The following SNX29 variants were observed in gnomAD, a reference collection of about 807,000 sequenced individuals.
SNX29 encodes the protein sorting nexin-29.
In SNX29, 78 loss-of-function variants were observed where a neutral mutation model predicts 102.1. That is an observed-to-expected ratio of 0.76 (90% CI 0.64 to 0.92). SNX29 has a LOEUF of 0.92. Ranked by LOEUF, SNX29 falls within the 40% of genes least tolerant of loss-of-function variation. SNX29 has a pLI of 0.00. For synonymous variants in SNX29, 580 were observed against 414.5 expected, an observed-to-expected ratio of 1.40 and a Z score of -4.85; for missense variants, 1,280 against 1,061.7, an observed-to-expected ratio of 1.21 and a Z score of -2.86.
At chr16:12,148,890 C>G (rs1335782420) in intron 13 of SNX29, among the ~76,000 whole-genome samples, 1 of 151,880 alleles carries the variant, frequency 6.6e-6, no homozygotes, top group Non-Finnish European at 1.5e-5. Flanking sequence ...TTAGTAGAGA[C>G]AGGGTTTCTC....
intron 1 of SNX29, among the ~76,000 whole-genome samples, chr16:11,998,055 GTTGTTA>G (rs2056153322): frequency 6.6e-6 from 1 of 152,188 alleles, no homozygotes; most frequent in Non-Finnish European, 1.5e-5. Context: ...CACGGTGGTG[GTTGTTA>G]TCAACCAGCT....
chr16:12,046,776 T>C (rs11864775), intron 6 of SNX29, among the ~76,000 whole-genome samples: 59,740 of 152,048 alleles, frequency 0.39, 12,404 homozygotes, highest in Middle Eastern at 0.51. Context: ...CCTGCCACCA[T>C]GACCAGCTAA....
At chr16:12,035,360 C>A (rs117361454) in intron 4 of SNX29, among the ~76,000 whole-genome samples, 2,844 of 152,150 alleles carry the variant, frequency 0.019, 40 homozygotes, top group Non-Finnish European at 0.03. Context: ...TGCACATGCA[C>A]GCCACCATGC....
intron 16 of SNX29, among the ~76,000 whole-genome samples, chr16:12,360,199 A>G (rs1462202976): frequency 6.6e-6 from 1 of 152,228 alleles, no homozygotes. Flanking sequence ...CAGTTAGCTC[A>G]AAAGAGTTTT....
chr16:12,368,969 T>C (rs924091366), intron 16 of SNX29, among the ~76,000 whole-genome samples: 2 of 152,152 alleles, frequency 1.3e-5, no homozygotes, highest in Admixed American at 6.5e-5. Flanking sequence ...CCACATTCAT[T>C]ATTGGTGCAG....
chr16:12,568,575 C>A lies in SNX29; in HGVS notation c.2388C>A (p.Ser796=). 1.9e-6 allele frequency: 3 copies of A among 1,607,774 alleles called. No homozygotes were observed. The highest frequency in any genetic ancestry group is 1.6e-4 in the Middle Eastern group (1 of 6,062). Residue 796 remains serine (S), a synonymous_variant, in exon 21 of 21, where the codon TCC becomes TCA. Coordinates refer to ENST00000566228, the MANE Select transcript of SNX29 (RefSeq NM_032167.5). ...CAGCTTCCCGCTTCCCCAAACTGTC[C>A]CGGGGTCAGCCCCGGGAGACCCGCA... ...PKAASRFPKL[S]RGQPRETRNV... is the part of the protein sequence containing the mutation.
intron 14 of SNX29, among the ~76,000 whole-genome samples, chr16:12,271,420 C>T (rs2079089014): frequency 6.6e-6 from 1 of 152,202 alleles, no homozygotes; most frequent in South Asian, 2.1e-4. Flanking sequence ...CACACAGAAG[C>T]TGCAGTCTTT....
At chr16:12,551,505 C>G (rs980347311) in intron 20 of SNX29, among the ~76,000 whole-genome samples, 1 of 152,210 alleles carries the variant, frequency 6.6e-6, no homozygotes. Flanking sequence ...CTTTGGGCCT[C>G]AGCATCAGGA....
chr16:12,107,589 A>G (rs2053315162), intron 11 of SNX29, among the ~76,000 whole-genome samples: 1 of 152,144 alleles, frequency 6.6e-6, no homozygotes. Context: ...GTGAGCTGAG[A>G]TGCGTTCCTT....
rs982772830 is a variant in SNX29, at chr16:12,571,403, C to T, written c.*2774C>T. 7.8e-5 allele frequency: 18 copies of T among 232,226 alleles called. 1 individual carries two copies. The highest frequency in any genetic ancestry group is 3.4e-4 in the Admixed American group (6 of 17,734). The allele number at this position is 232,226 out of a possible 1,614,324, so 14.4% of individuals were successfully genotyped here. A position where few individuals can be genotyped will look rare whatever the true frequency, so the allele number is the denominator to read the frequency against. ...ACCCCTGAGGAAAGGATTGCTTGCA[C>T]CTCACATCTGTCTTCTTCTAAGATT... On this transcript the variant is annotated 3_prime_UTR_variant, in exon 21 of 21. Transcript: ENST00000566228.
At chr16:12,112,703 C>T (rs914525303) in intron 11 of SNX29, among the ~76,000 whole-genome samples, 5 of 152,126 alleles carry the variant, frequency 3.3e-5, no homozygotes, top group Non-Finnish European at 7.4e-5. Context: ...TGAAAGGGTG[C>T]TAAATCCTTG....
intron 15 of SNX29, among the ~76,000 whole-genome samples, chr16:12,320,631 A>G (rs2080901192): frequency 6.6e-6 from 1 of 152,122 alleles, no homozygotes; most frequent in Non-Finnish European, 1.5e-5. Flanking sequence ...TGAATTGCCC[A>G]CTGTGTTCCA....
At chr16:12,117,283 C>T (rs372402568) in intron 11 of SNX29, among the ~76,000 whole-genome samples, 54 of 129,974 alleles carry the variant, frequency 4.2e-4, no homozygotes, top group African/African-American at 1.2e-3. Context: ...CGTGCTTCAA[C>T]GCGGACGAAC....
chr16:12,538,232 C>T (rs1308212706), intron 20 of SNX29, among the ~76,000 whole-genome samples: 2 of 152,140 alleles, frequency 1.3e-5, no homozygotes, highest in East Asian at 1.9e-4. Context: ...TCTTGTGCCT[C>T]AGTCTCCCTA....
intron 11 of SNX29, among the ~76,000 whole-genome samples, chr16:12,110,014 C>T (rs1421952124): frequency 1.3e-5 from 2 of 152,188 alleles, no homozygotes; most frequent in East Asian, 3.9e-4. Flanking sequence ...TAAGTGTGAG[C>T]CACCGTGCCC....
chr16:12,139,139 G>A (rs1285852925), intron 13 of SNX29, among the ~76,000 whole-genome samples: 3 of 149,000 alleles, frequency 2.0e-5, no homozygotes, highest in Non-Finnish European at 3.0e-5. Context: ...CAGAGGCTGC[G>A]GTGAGCTGAG....
chr16:12,551,660 C>T (rs750226614), intron 20 of SNX29, among the ~76,000 whole-genome samples: 8 of 152,186 alleles, frequency 5.3e-5, no homozygotes, highest in East Asian at 3.8e-4. Context: ...CTTTGGTTTC[C>T]GTTCCTGTGC....
At chr16:12,239,877 C>G (rs2142279646) in intron 14 of SNX29, among the ~76,000 whole-genome samples, 2 of 152,096 alleles carry the variant, frequency 1.3e-5, no homozygotes, top group South Asian at 4.2e-4. Flanking sequence ...TTTAAAGTAG[C>G]ACCAGGACAG....
chr16:12,176,634 T>G (rs982537054), intron 13 of SNX29, among the ~76,000 whole-genome samples: 2 of 152,228 alleles, frequency 1.3e-5, no homozygotes, highest in African/African-American at 4.8e-5. Flanking sequence ...GGGATGTGTT[T>G]AGGCTATTTA....
Sources: allele counts gnomAD v4.1 joint callset (sites outside exome capture counted in the v4.1 genomes callset), GRCh38; gene constraint gnomAD v4.1.1; transcripts MANE v1.5; gene names NCBI Gene and HGNC (gene_info 2026-07-23, HGNC 2026-07-21).